Variants in MPPED1 observed in about 807,000 individuals in gnomAD.
MPPED1 encodes metallophosphoesterase domain containing 1.
A neutral mutation model predicts 36.2 loss-of-function variants in MPPED1; 16 were observed. The ratio of observed to expected loss-of-function variants is 0.44; its 90% CI spans 0.30 to 0.67. The LOEUF (loss-of-function observed/expected upper bound fraction) is 0.67. Ranked by LOEUF, MPPED1 falls within the 30% of genes least tolerant of loss-of-function variation. The pLI, the probability that MPPED1 is intolerant of heterozygous loss-of-function variation, is 0.10. For missense variants in MPPED1, 307 were observed against 453.4 expected (o/e 0.68, Z 2.93); for synonymous variants, 199 against 191.3 (o/e 1.04, Z -0.33).
At chr22:43,437,057 C>T (rs535238920) in intron 3 of MPPED1, among the ~76,000 whole-genome samples, 2 of 152,316 alleles carry the variant, frequency 1.3e-5, no homozygotes, top group African/African-American at 4.8e-5. Flanking sequence ...TCAGGACCCT[C>T]ACTCAAGGAG....
chr22:43,498,445 C>T, intron 5 of MPPED1, 95 bp downstream of exon 5: 1 of 943,916 alleles, frequency 1.1e-6, no homozygotes, highest in Non-Finnish European at 1.6e-6. Context: ...TAGGGGAGCC[C>T]TGGAGGGGTT....
chr22:43,500,968 C>T (rs1028020885), intron 5 of MPPED1, among the ~76,000 whole-genome samples: 3 of 152,000 alleles, frequency 2.0e-5, no homozygotes, highest in East Asian at 3.9e-4. Flanking sequence ...TGGGGTGAGG[C>T]GCAGGACAGC....
At chr22:43,415,012 T>C (rs1343247560) in intron 1 of MPPED1, among the ~76,000 whole-genome samples, 1 of 151,564 alleles carries the variant, frequency 6.6e-6, no homozygotes, top group Non-Finnish European at 1.5e-5. Flanking sequence ...GTCCAACACT[T>C]GGGGGTGGCA....
chr22:43,457,212 G>A (rs779104167), intron 3 of MPPED1, among the ~76,000 whole-genome samples: 2 of 152,236 alleles, frequency 1.3e-5, no homozygotes, highest in African/African-American at 2.4e-5. Context: ...GATACAAATC[G>A]CCAGTGAAGC....
intron 4 of MPPED1, among the ~76,000 whole-genome samples, chr22:43,495,522 AGGTGG>A (rs1932264748): frequency 7.0e-5 from 1 of 14,300 alleles, no homozygotes; most frequent in Non-Finnish European, 1.3e-4. Flanking sequence ...GTGGTGGTGG[AGGTGG>A]TGGTGGTGGA....
At chr22:43,451,886 C>T (rs1187138910) in intron 3 of MPPED1, among the ~76,000 whole-genome samples, 1 of 152,208 alleles carries the variant, frequency 6.6e-6, no homozygotes, top group East Asian at 1.9e-4. Context: ...GGAGGTTTTC[C>T]CGCCTCCATG....
rs924900495 is a variant in MPPED1 at position 43,498,268 on chromosome 22, C to T, written c.666C>T (p.Leu222=). 1.2e-5 allele frequency: 18 copies of T among 1,535,228 alleles called. No homozygotes were observed. Among genetic ancestry groups the T allele is most frequent in the Non-Finnish European group, 1.6e-5 (18 of 1,146,548 alleles). Residue 222 remains leucine (L), a synonymous_variant, in exon 5 of 7, where the codon CTC becomes CTT. Transcript: ENST00000443721. ...QPWFYGWGFN[L]PRGQALLEKW... ...GGTTCTACGGCTGGGGCTTCAACCT[C>T]CCGCGAGGCCAAGCCCTGCTGGAGA... is the stretch of plus-strand genomic sequence containing the variant.
Position 43,412,064 on chromosome 22 carries a change from G to C in MPPED1, c.-173G>C. The C allele has an allele frequency of 1.0e-6, 1 of 979,426 alleles. No homozygotes were observed. The highest frequency in any genetic ancestry group is 1.2e-6 in the Non-Finnish European group (1 of 827,550). The allele number at this position is 979,426 out of a possible 1,614,324, so 60.7% of individuals were successfully genotyped here. ...GGCGGCCGCCGCCGGAGGAGCCCCCGCCCCTGCGCGCCTCCCTCCCGGGAG... is the reference window on the plus strand; with the variant it reads ...GGCGGCCGCCGCCGGAGGAGCCCCCCCCCCTGCGCGCCTCCCTCCCGGGAG... On this transcript the variant is annotated 5_prime_UTR_variant, in exon 1 of 7. Coordinates refer to ENST00000443721, the MANE Select transcript of MPPED1 (RefSeq NM_001044370.2).
chr22:43,426,522 G>T (rs1284193684), intron 2 of MPPED1, among the ~76,000 whole-genome samples: 1 of 152,190 alleles, frequency 6.6e-6, no homozygotes, highest in Non-Finnish European at 1.5e-5. Flanking sequence ...CTCCATCTTA[G>T]GGCAGCGGTG....
intron 4 of MPPED1, among the ~76,000 whole-genome samples, chr22:43,478,748 C>T (rs898355606): frequency 2.0e-5 from 3 of 152,124 alleles, no homozygotes; most frequent in South Asian, 2.1e-4. Flanking sequence ...CCTGGGTCCC[C>T]GGCCATACCC....
At chr22:43,434,996 C>T (rs1929902006) in intron 2 of MPPED1, 38 bp from the exon 3 acceptor site, 4 of 1,600,946 alleles carry the variant, frequency 2.5e-6, no homozygotes, top group Non-Finnish European at 3.4e-6. Flanking sequence ...CTCGCGGCTC[C>T]ATGGCCTCCT....
chr22:43,452,300 C>T (rs1423323913), intron 3 of MPPED1, among the ~76,000 whole-genome samples: 3 of 152,140 alleles, frequency 2.0e-5, no homozygotes, highest in Non-Finnish European at 4.4e-5. Context: ...AGGTGTGAGC[C>T]AATGCGCCCA....
intron 3 of MPPED1, 129 bp downstream of exon 3, chr22:43,435,344 G>A (rs1275868789): frequency 8.0e-6 from 8 of 1,003,314 alleles, no homozygotes; most frequent in Non-Finnish European, 1.2e-5. Flanking sequence ...GTGCCTGCCT[G>A]GTCACCCTCC....
intron 5 of MPPED1, among the ~76,000 whole-genome samples, chr22:43,499,382 GGGT>G (rs1932545273): frequency 7.9e-6 from 1 of 126,544 alleles, no homozygotes; most frequent in African/African-American, 2.7e-5. Context: ...ATGGTGATGG[GGGT>G]GGTGATGGAT....
intron 4 of MPPED1, among the ~76,000 whole-genome samples, chr22:43,492,617 G>A (rs538227527): frequency 9.4e-4 from 143 of 152,236 alleles, no homozygotes; most frequent in Non-Finnish European, 1.5e-3. Flanking sequence ...CAGGCCTGGG[G>A]GCAGATCCCC....
chr22:43,465,515 A>T (rs1440185831), intron 3 of MPPED1, among the ~76,000 whole-genome samples: 1 of 152,148 alleles, frequency 6.6e-6, no homozygotes, highest in Non-Finnish European at 1.5e-5. Flanking sequence ...CTGGCGGTAG[A>T]GCGCTGAACA....
At chr22:43,480,122 G>C (rs916666965) in intron 4 of MPPED1, among the ~76,000 whole-genome samples, 1 of 152,158 alleles carries the variant, frequency 6.6e-6, no homozygotes, top group East Asian at 1.9e-4. Context: ...GGGTTAGATC[G>C]TAATGGTTTT....
intron 2 of MPPED1, among the ~76,000 whole-genome samples, chr22:43,432,434 G>GGA (rs1329493096): frequency 8.3e-6 from 1 of 120,280 alleles, no homozygotes; most frequent in Non-Finnish European, 1.7e-5. Context: ...GAGAAAGGGA[G>GGA]GAGAGAAAGG....
At chr22:43,494,944 C>G (rs1256628859) in intron 4 of MPPED1, among the ~76,000 whole-genome samples, 3 of 152,166 alleles carry the variant, frequency 2.0e-5, no homozygotes, top group Admixed American at 6.5e-5. Flanking sequence ...TCTCTCATGC[C>G]TCTCCTTATA....
Sources: allele counts gnomAD v4.1 joint callset (sites outside exome capture counted in the v4.1 genomes callset), GRCh38; gene constraint gnomAD v4.1.1; transcripts MANE v1.5; gene names NCBI Gene and HGNC (gene_info 2026-07-23, HGNC 2026-07-21).